FAM25A: variants seen among roughly 807,000 people sequenced by gnomAD.
The protein encoded by FAM25A is protein FAM25A.
FAM25A carries 5 observed loss-of-function variants against 6.6 expected under a neutral mutation model. That is an observed-to-expected ratio of 0.75 (90% confidence interval 0.39 to 1.59). FAM25A has a LOEUF of 1.59. FAM25A is among the 40% of genes most tolerant of loss of function. FAM25A has a pLI of 0.02. For missense variants in FAM25A, 93 were observed against 109.7 expected (o/e 0.85, Z 0.68); for synonymous variants, 36 against 41.3 (o/e 0.87, Z 0.49).
intron 2 of FAM25A, among the ~76,000 whole-genome samples, chr10:87,023,462 T>G (rs1458237402): frequency 6.6e-6 from 1 of 152,222 alleles, no homozygotes; most frequent in Admixed American, 6.5e-5. Flanking sequence ...GGCTCACGCC[T>G]GTAATCCTAG....
At position 87,024,605 on chromosome 10, in the gene FAM25A, G is replaced by A. The variant is rs551070922; in HGVS notation, c.201G>A (p.Glu67=). Residue 67 remains glutamate (E), a synonymous_variant, in exon 3 of 3, where the codon GAG becomes GAA. Coordinates refer to ENST00000343959, the MANE Select transcript of FAM25A (RefSeq NM_001146157.3). ...ACAAAAAGATGAAGGAAATCACTGA[G>A]ACAGTGACCAACACAGTCACAAATG... ...SGDKKMKEIT[E]TVTNTVTNAI... is the part of the protein sequence containing the mutation. 2 of 1,535,760 alleles carry A rather than the reference G, an allele frequency of 1.3e-6. No individual in the cohort carries two copies.
chr10:87,024,628 A>G lies in FAM25A; in HGVS notation c.224A>G (p.Asn75Ser). ...GAGACAGTGACCAACACAGTCACAA[A>G]TGCCATCACCCATGCAGCAGAGAGT... ...ITETVTNTVT[N>S]AITHAAESLD... is the part of the protein sequence containing the mutation. Residue 75 changes from asparagine (N) to serine (S), a missense_variant, in exon 3 of 3, where the codon AAT becomes AGT. Physicochemically the swap from Asn to Ser is conservative, Grantham distance 46 (BLOSUM62 1). Coordinates refer to ENST00000343959, the MANE Select transcript of FAM25A (RefSeq NM_001146157.3). 6.5e-7 allele frequency: 1 copy of G among 1,535,812 alleles called. No individual in the cohort carries two copies. The highest frequency in any genetic ancestry group is 8.7e-7 in the Non-Finnish European group (1 of 1,146,896).
At chr10:87,022,257 T>C in intron 1 of FAM25A, 57 bp from the exon 2 acceptor site, 1 of 1,543,898 alleles carries the variant, frequency 6.5e-7, no homozygotes, top group Non-Finnish European at 8.7e-7. Flanking sequence ...CACCCTGGAC[T>C]GGGAGGGCAG....
chr10:87,020,946 G>A (rs1845324768), intron 1 of FAM25A, among the ~76,000 whole-genome samples: 1 of 152,094 alleles, frequency 6.6e-6, no homozygotes, highest in Non-Finnish European at 1.5e-5. Flanking sequence ...TCATGCCTTA[G>A]CCTCCTGAGT....
chr10:87,020,450 G>T, intron 1 of FAM25A, 53 bp downstream of exon 1: 1 of 1,542,988 alleles, frequency 6.5e-7, no homozygotes. Flanking sequence ...GGGGCAGACT[G>T]GGTCTGTGGG....
intron 1 of FAM25A, 71 bp downstream of exon 1, chr10:87,020,468 T>C: frequency 6.5e-7 from 1 of 1,529,484 alleles, no homozygotes; most frequent in Non-Finnish European, 8.8e-7. Context: ...GGGAGGCGGA[T>C]CTAAGTAGGC....
chr10:87,023,572 C>A (rs1188964173), intron 2 of FAM25A, among the ~76,000 whole-genome samples: 1 of 151,802 alleles, frequency 6.6e-6, no homozygotes, highest in Non-Finnish European at 1.5e-5. Flanking sequence ...AATACGAAAA[C>A]CAGCTGGGCG....
intron 1 of FAM25A, 119 bp from the exon 2 acceptor site, chr10:87,022,195 G>C: frequency 7.6e-7 from 1 of 1,316,408 alleles, no homozygotes; most frequent in Non-Finnish European, 1.1e-6. Context: ...GGATAAGCCA[G>C]CACTGAGCCC....
At chr10:87,023,175 C>A (rs1190629440) in intron 2 of FAM25A, among the ~76,000 whole-genome samples, 1 of 150,856 alleles carries the variant, frequency 6.6e-6, no homozygotes, top group Non-Finnish European at 1.5e-5. Flanking sequence ...GAGCCGAGAT[C>A]GTGCCACTGC....
chr10:87,022,421 G>C, intron 2 of FAM25A, 45 bp downstream of exon 2: 3 of 1,541,342 alleles, frequency 1.9e-6, no homozygotes, highest in Non-Finnish European at 1.7e-6. Flanking sequence ...AGGGAGCAAG[G>C]GAAGCTAGGT....
Position 87,020,404 on chromosome 10 carries a change from A to T in FAM25A, c.73+7A>T. On this transcript the variant is annotated splice_region_variant and intron_variant, in intron 1 of 2. Transcript: ENST00000343959. ...AAGGCCACCGAGGGAGCCAGTGAGG[A>T]CCTGGGGCTCCTTTCTACCTGGGCT... 6.5e-7 allele frequency: 1 copy of T among 1,548,540 alleles called. No individual in the cohort carries two copies. The highest frequency in any genetic ancestry group is 1.2e-5 in the South Asian group (1 of 83,910).
Position 87,024,667 on chromosome 10 carries a change from G to T in FAM25A, c.263G>T (p.Gly88Val), listed in dbSNP as rs766136548. 9.1e-6 allele frequency: 14 copies of T among 1,535,780 alleles called. No homozygotes were observed. Among genetic ancestry groups the T allele is most frequent in the Non-Finnish European group, 1.1e-5 (13 of 1,146,898 alleles). Residue 88 changes from glycine to valine, a missense_variant, in exon 3 of 3, where the codon GGA (glycine) becomes GTA (valine). Physicochemically the swap from Gly to Val is moderately radical, Grantham distance 109. Coordinates refer to ENST00000343959, the MANE Select transcript of FAM25A (RefSeq NM_001146157.3). Reference protein sequence around the residue: ...THAAESLDKLGQ With the variant: ...THAAESLDKLVQ ...GCAGCAGAGAGTCTGGACAAACTTG[G>T]ACAGTGAGTGCACCTGCTACCACGG...
chr10:87,023,672 G>A (rs1472329733), intron 2 of FAM25A, among the ~76,000 whole-genome samples: 4 of 152,218 alleles, frequency 2.6e-5, no homozygotes, highest in African/African-American at 7.2e-5. Context: ...AGTGAGCTGA[G>A]ATTGCACCAC....
At chr10:87,021,676 G>C (rs1415914745) in intron 1 of FAM25A, among the ~76,000 whole-genome samples, 2 of 152,210 alleles carry the variant, frequency 1.3e-5, no homozygotes, top group Non-Finnish European at 2.9e-5. Context: ...CACCCCAACA[G>C]ATTCCCATTC....
chr10:87,020,895 C>T (rs1183100375), intron 1 of FAM25A, among the ~76,000 whole-genome samples: 2 of 152,206 alleles, frequency 1.3e-5, no homozygotes, highest in East Asian at 1.9e-4. Context: ...GGTGCGATCT[C>T]GGCTCACTGT....
In FAM25A at chr10:87,023,265, T is replaced by G. The variant is rs1328954401; in HGVS notation, c.136+889T>G. ...ACATGTAAAATTCTATGTTAAATGT[T>G]AAATTGATGTGTGTGAGCTATGAGT... On this transcript the variant is annotated intron_variant, in intron 2 of 2. Coordinates refer to ENST00000343959, the MANE Select transcript of FAM25A (RefSeq NM_001146157.3). Among the ~76,000 whole-genome samples the G allele has an allele frequency of 8.5e-5, 13 of 152,262 alleles. No individual in the cohort carries two copies. The South Asian group carries it at 2.7e-3, about 32-fold the overall frequency.
intron 1 of FAM25A, among the ~76,000 whole-genome samples, chr10:87,022,051 C>T (rs1213104359): frequency 1.3e-5 from 2 of 152,202 alleles, no homozygotes; most frequent in African/African-American, 4.8e-5. Flanking sequence ...CGTCTCCCGG[C>T]AGCCAAGGCC....
chr10:87,022,341 A>G lies in FAM25A; in HGVS notation c.101A>G (p.Glu34Gly), dbSNP rs764548085. The G allele has an allele frequency of 1.9e-6, 3 of 1,548,740 alleles. No homozygotes were observed. The East Asian group carries it at 7.3e-5, about 38-fold the overall frequency. ...AIHAVEEVVK[E>G]VVGHAKETGE... is the part of the protein sequence containing the mutation. ...CATGCCGTGGAAGAAGTGGTGAAGGAGGTGGTGGGACACGCCAAGGAGACT... is the reference window on the plus strand; with the variant it reads ...CATGCCGTGGAAGAAGTGGTGAAGGGGGTGGTGGGACACGCCAAGGAGACT... Residue 34 changes from glutamate to glycine, a missense_variant, in exon 2 of 3, where the codon GAG (glutamate) becomes GGG (glycine). Transcript: ENST00000343959.
intron 1 of FAM25A, 95 bp from the exon 2 acceptor site, chr10:87,022,219 G>A (rs3802665): frequency 0.43 from 618,356 of 1,444,084 alleles, 135,739 homozygotes; most frequent in East Asian, 0.71. Flanking sequence ...CCCTGGACTG[G>A]GAGGGCAGTG....
Sources: gnomAD v4.1 joint callset for allele counts (sites outside exome capture counted in the v4.1 genomes callset) on GRCh38, gnomAD v4.1.1 for gene constraint, MANE v1.5 for transcripts, NCBI Gene and HGNC (gene_info 2026-07-23, HGNC 2026-07-21) for gene names.